Variants in ABL1 observed in about 807,000 individuals in gnomAD.
ABL1 encodes the protein tyrosine-protein kinase ABL1.
A neutral mutation model predicts 94.7 loss-of-function variants in ABL1; 11 were observed. That is an observed-to-expected ratio of 0.12 (90% CI 0.07 to 0.19). ABL1 has a LOEUF of 0.19. Among genes scored for constraint, ABL1 ranks in the 10% least tolerant of loss-of-function variants. The probability of loss-of-function intolerance (pLI) is 1.00; values close to 1 mark genes in which losing one functional copy is unlikely to be tolerated. For missense variants in ABL1, 1,082 were observed against 1,489.4 expected, an observed-to-expected ratio of 0.73 and a Z score of 4.50; for synonymous variants, 656 against 622.4, an observed-to-expected ratio of 1.05 and a Z score of -0.80.
At chr9:130,838,054 C>G (rs935878282) in intron 1 of ABL1, among the ~76,000 whole-genome samples, 1 of 152,238 alleles carries the variant, frequency 6.6e-6, no homozygotes, top group Non-Finnish European at 1.5e-5. Context: ...TAAATGCTTA[C>G]TATGTGCCAA....
At chr9:130,791,767 T>G (rs1203454705) in intron 1 of ABL1, among the ~76,000 whole-genome samples, 1 of 152,204 alleles carries the variant, frequency 6.6e-6, no homozygotes, top group Admixed American at 6.5e-5. Flanking sequence ...TTCCCTGGTT[T>G]TGAGGCTTTC....
At position 130,725,823 on chromosome 9, in the gene ABL1, G is replaced by GGTTTTTTTTTTTT. The variant is rs1564269427; in HGVS notation, c.136+11369_136+11381dup. Among the ~76,000 whole-genome samples, 21 of 80,868 alleles carry GGTTTTTTTTTTTT rather than the reference G, an allele frequency of 2.6e-4. 1 individual carries two copies. Among genetic ancestry groups the GGTTTTTTTTTTTT allele is most frequent in the African/African-American group, 1.3e-3 (21 of 16,578 alleles). The allele number at this position is 80,868 out of a possible 152,430, so 53.1% of individuals were successfully genotyped here. A position where few individuals can be genotyped will look rare whatever the true frequency, so the allele number is the denominator to read the frequency against. On this transcript the variant is annotated intron_variant, in intron 1 of 10. Coordinates refer to the ABL1 transcript ENST00000372348. The stretch of plus-strand genomic sequence containing the variant: ...TCTGTTGGTGGAACTTGTGTATGGT[G>GGTTTTTTTTTTTT]GTTTTTTTTTTTTTTTTTTTTTTTT...
rs1295441873 is a variant in ABL1 at position 130,730,066 on chromosome 9, G to C, written c.136+15611G>C. Among the ~76,000 whole-genome samples the C allele has an allele frequency of 8.2e-5, 5 of 60,926 alleles. No homozygotes were observed. In the East Asian group the frequency reaches 1.5e-3, roughly 18 times the overall value. The allele number at this position is 60,926 out of a possible 152,430, so 40.0% of individuals were successfully genotyped here. A position where few individuals can be genotyped will look rare whatever the true frequency, so the allele number is the denominator to read the frequency against. ...CCAGACTTTTTTTTTTTTTTGAGATGGAATTCTGCTCTTGTTGCCCACGCT... is the reference window on the plus strand; with the variant it reads ...CCAGACTTTTTTTTTTTTTTGAGATCGAATTCTGCTCTTGTTGCCCACGCT... On this transcript the variant is annotated intron_variant, in intron 1 of 10. Coordinates refer to the ABL1 transcript ENST00000372348.
chr9:130,836,573 C>G (rs1830588488), intron 1 of ABL1, among the ~76,000 whole-genome samples: 1 of 151,974 alleles, frequency 6.6e-6, no homozygotes, highest in Admixed American at 6.5e-5. Flanking sequence ...CCTGTAATCC[C>G]AACACTTTGG....
At chr9:130,721,659 G>A (rs537675831) in intron 1 of ABL1, among the ~76,000 whole-genome samples, 2 of 152,114 alleles carry the variant, frequency 1.3e-5, no homozygotes, top group African/African-American at 2.4e-5. Flanking sequence ...GCAGTGAGCT[G>A]TGATGGTGCT....
intron 1 of ABL1, among the ~76,000 whole-genome samples, chr9:130,827,267 G>A (rs1461930156): frequency 6.6e-6 from 1 of 152,134 alleles, no homozygotes; most frequent in Non-Finnish European, 1.5e-5. Context: ...GGCCTAATAA[G>A]GAAGAGATTG....
Position 130,885,924 on chromosome 9 carries a change from G to T in ABL1, c.*241G>T. 1 of 549,040 alleles carries T rather than the reference G, an allele frequency of 1.8e-6. No individual in the cohort carries two copies. 34.0% of individuals were successfully genotyped at this position (549,040 alleles called of 1,614,324 possible). A position where few individuals can be genotyped will look rare whatever the true frequency, so the allele number is the denominator to read the frequency against. ...TCTGTCCTCGAATTTTATCTGTGGA[G>T]TTCCTGCTCCGTGGACTGCAGTCGG... is the stretch of plus-strand genomic sequence containing the variant. On this transcript the variant is annotated 3_prime_UTR_variant, in exon 11 of 11. Coordinates refer to ENST00000318560, the MANE Select transcript of ABL1 (RefSeq NM_005157.6).
chr9:130,856,781 C>G (rs1415169795), intron 3 of ABL1, among the ~76,000 whole-genome samples: 2 of 152,154 alleles, frequency 1.3e-5, no homozygotes, highest in African/African-American at 4.8e-5. Context: ...AATACACCTT[C>G]GAGATTGTTT....
intron 1 of ABL1, among the ~76,000 whole-genome samples, chr9:130,742,937 T>C (rs1326293038): frequency 6.6e-6 from 1 of 152,138 alleles, no homozygotes; most frequent in African/African-American, 2.4e-5. Context: ...CTTTAAAAAA[T>C]GCGTTACTGG....
chr9:130,748,749 G>A (rs957277482), intron 1 of ABL1, among the ~76,000 whole-genome samples: 9 of 152,160 alleles, frequency 5.9e-5, no homozygotes, highest in East Asian at 1.9e-4. Flanking sequence ...GCTAATTTTT[G>A]TATTTTTAGT....
At chr9:130,876,594 T>C (rs34403224) in intron 7 of ABL1, among the ~76,000 whole-genome samples, 12,689 of 151,836 alleles carry the variant, frequency 0.084, 871 homozygotes, top group African/African-American at 0.18. Flanking sequence ...AATTTTTTTG[T>C]ATTTTTAGTA....
intron 1 of ABL1, among the ~76,000 whole-genome samples, chr9:130,845,152 G>A (rs1007998112): frequency 4.6e-5 from 7 of 152,156 alleles, no homozygotes; most frequent in Non-Finnish European, 1.0e-4. Context: ...CTTTCCACTT[G>A]TAGCCATTAT....
At chr9:130,764,126 C>T (rs1295021113) in intron 1 of ABL1, among the ~76,000 whole-genome samples, 2 of 152,088 alleles carry the variant, frequency 1.3e-5, no homozygotes, top group Non-Finnish European at 2.9e-5. Flanking sequence ...CCTGCAGTAG[C>T]GCATGGCCTG....
At chr9:130,864,587 A>G (rs1244577372) in intron 4 of ABL1, among the ~76,000 whole-genome samples, 1 of 152,118 alleles carries the variant, frequency 6.6e-6, no homozygotes, top group Non-Finnish European at 1.5e-5. Context: ...CAAGTTCTTC[A>G]CTTCTATTTG....
At chr9:130,734,792 A>G (rs2313569) in intron 1 of ABL1, among the ~76,000 whole-genome samples, 79,472 of 150,594 alleles carry the variant, frequency 0.53, 22,445 homozygotes, top group African/African-American at 0.74. Context: ...AAAGCGGTGC[A>G]ATTACAAGTG....
chr9:130,795,163 G>T (rs898118388), intron 1 of ABL1, among the ~76,000 whole-genome samples: 4 of 152,162 alleles, frequency 2.6e-5, no homozygotes, highest in African/African-American at 4.8e-5. Flanking sequence ...GTCCATTGGT[G>T]AACTGCTCCT....
chr9:130,745,063 T>TA (rs2132718147), intron 1 of ABL1, among the ~76,000 whole-genome samples: 1 of 151,708 alleles, frequency 6.6e-6, no homozygotes, highest in East Asian at 1.9e-4. Context: ...AGAAGGGTGT[T>TA]ATCCCTTCCT....
intron 1 of ABL1, among the ~76,000 whole-genome samples, chr9:130,803,069 T>G (rs1830077288): frequency 6.6e-6 from 1 of 152,122 alleles, no homozygotes; most frequent in South Asian, 2.1e-4. Context: ...GACAGAAGTC[T>G]TCCTCTGTCA....
chr9:130,743,835 A>G (rs1421305117), intron 1 of ABL1, among the ~76,000 whole-genome samples: 1 of 152,078 alleles, frequency 6.6e-6, no homozygotes, highest in African/African-American at 2.4e-5. Context: ...GGGTCGGGGA[A>G]CAAGAGGGGT....
Sources: gnomAD v4.1 joint callset for allele counts (sites outside exome capture counted in the v4.1 genomes callset) on GRCh38, gnomAD v4.1.1 for gene constraint, MANE v1.5 for transcripts, NCBI Gene and HGNC (gene_info 2026-07-23, HGNC 2026-07-21) for gene names.